GPC6: variants seen among roughly 807,000 people sequenced by gnomAD.
GPC6 encodes the protein glypican-6.
Under a neutral mutation model 55.2 loss-of-function variants are expected in GPC6, and 14 were observed. The observed-to-expected ratio is 0.25, with a 90% CI of 0.17 to 0.40. The LOEUF is 0.40. GPC6 is among the 10% of genes least tolerant of loss of function. The pLI is 1.00. For missense variants in GPC6, 641 were observed against 708.5 expected (o/e 0.90, Z 1.08); for synonymous variants, 278 against 259.6 (o/e 1.07, Z -0.68).
intron 6 of GPC6, among the ~76,000 whole-genome samples, chr13:94,379,106 G>A (rs145172202): frequency 1.8e-3 from 268 of 152,184 alleles, no homozygotes; most frequent in African/African-American, 6.3e-3. Flanking sequence ...CTACAGCAGA[G>A]CAGTTACATA....
intron 4 of GPC6, among the ~76,000 whole-genome samples, chr13:94,032,408 A>G (rs1037026238): frequency 6.6e-6 from 1 of 152,218 alleles, no homozygotes; most frequent in Non-Finnish European, 1.5e-5. Context: ...ATAGCAAATA[A>G]GATTGTATTG....
intron 2 of GPC6, among the ~76,000 whole-genome samples, chr13:93,671,385 C>T (rs1881349504): frequency 6.6e-6 from 1 of 152,062 alleles, no homozygotes; most frequent in Admixed American, 6.6e-5. Flanking sequence ...AAACTGACCC[C>T]TGCCTTCTGG....
At chr13:94,001,508 A>G (rs998672303) in intron 3 of GPC6, among the ~76,000 whole-genome samples, 26 of 152,206 alleles carry the variant, frequency 1.7e-4, no homozygotes, top group Non-Finnish European at 2.8e-4. Flanking sequence ...TTATATGAAT[A>G]TAGGCCTTAT....
At chr13:94,045,302 G>A (rs1883690783) in intron 4 of GPC6, among the ~76,000 whole-genome samples, 1 of 151,782 alleles carries the variant, frequency 6.6e-6, no homozygotes, top group African/African-American at 2.4e-5. Context: ...TAAATATTTT[G>A]GGAGCTAGGA....
intron 3 of GPC6, among the ~76,000 whole-genome samples, chr13:93,898,051 A>C (rs1356142059): frequency 6.6e-6 from 1 of 152,132 alleles, no homozygotes; most frequent in Non-Finnish European, 1.5e-5. Context: ...TTGTTTATTA[A>C]TTTACTGTAA....
chr13:93,524,071 T>C (rs1427686465), intron 1 of GPC6, among the ~76,000 whole-genome samples: 5 of 151,988 alleles, frequency 3.3e-5, no homozygotes, highest in Admixed American at 6.6e-5. Flanking sequence ...ACAAATTGCA[T>C]GTAAATTTGG....
At chr13:93,895,232 GTGTATA>G (rs1237762637) in intron 3 of GPC6, among the ~76,000 whole-genome samples, 1 of 73,386 alleles carries the variant, frequency 1.4e-5, no homozygotes, top group Non-Finnish European at 2.7e-5. Flanking sequence ...ATGTGTGTGT[GTGTATA>G]TATATATATA....
chr13:94,056,516 C>A (rs1884138965), intron 4 of GPC6, among the ~76,000 whole-genome samples: 1 of 152,122 alleles, frequency 6.6e-6, no homozygotes, highest in East Asian at 1.9e-4. Context: ...CCTTGGAAAG[C>A]AATAGTTGGT....
In GPC6 at chr13:93,774,406, C is replaced by A. The variant is rs143653080; in HGVS notation, c.320-55748C>A. Among the ~76,000 whole-genome samples, 3 of 152,158 alleles carry A rather than the reference C, an allele frequency of 2.0e-5. No individual in the cohort carries two copies. In the South Asian group the frequency reaches 6.2e-4, roughly 32 times the overall value. The stretch of plus-strand genomic sequence containing the variant: ...CACTGGAATATTAGGGACCATATCA[C>A]AAAGTATCTTATATTTTTAACTTGA... On this transcript the variant is annotated intron_variant, in intron 2 of 8. Coordinates refer to ENST00000377047, the MANE Select transcript of GPC6 (RefSeq NM_005708.5).
At chr13:94,261,849 A>T (rs112119590) in intron 4 of GPC6, among the ~76,000 whole-genome samples, 232 of 152,332 alleles carry the variant, frequency 1.5e-3, no homozygotes, top group African/African-American at 5.3e-3. Context: ...ATGAATATGA[A>T]TTAAGAAATT....
intron 3 of GPC6, among the ~76,000 whole-genome samples, chr13:93,880,613 T>C (rs1398181441): frequency 6.6e-6 from 1 of 152,056 alleles, no homozygotes; most frequent in Middle Eastern, 3.2e-3. Flanking sequence ...TACCCAATGC[T>C]AGATGACGAG....
At chr13:93,388,055 G>C (rs1875473379) in intron 1 of GPC6, among the ~76,000 whole-genome samples, 1 of 152,086 alleles carries the variant, frequency 6.6e-6, no homozygotes, top group Admixed American at 6.6e-5. Flanking sequence ...CTGCAATCCT[G>C]TATCACAACA....
chr13:93,247,279 T>A (rs562099251), intron 1 of GPC6, among the ~76,000 whole-genome samples: 1 of 152,276 alleles, frequency 6.6e-6, no homozygotes, highest in East Asian at 1.9e-4. Context: ...CTGTTTTCTG[T>A]TGGCCTAACA....
At chr13:94,029,683 T>C (rs941694434) in intron 4 of GPC6, among the ~76,000 whole-genome samples, 1 of 152,210 alleles carries the variant, frequency 6.6e-6, no homozygotes, top group Non-Finnish European at 1.5e-5. Flanking sequence ...TTGAAGAAGA[T>C]GGGCATGTGG....
intron 1 of GPC6, among the ~76,000 whole-genome samples, chr13:93,350,600 C>A (rs902905500): frequency 2.6e-5 from 4 of 152,070 alleles, no homozygotes; most frequent in Non-Finnish European, 5.9e-5. Flanking sequence ...GTGATCTGGA[C>A]CTTAAGGGCC....
intron 1 of GPC6, among the ~76,000 whole-genome samples, chr13:93,497,643 T>C (rs994819191): frequency 6.6e-6 from 1 of 152,232 alleles, no homozygotes; most frequent in African/African-American, 2.4e-5. Flanking sequence ...TTGATATAGT[T>C]TGAAGCTGAA....
At chr13:93,511,155 C>T (rs775949610) in intron 1 of GPC6, among the ~76,000 whole-genome samples, 8 of 149,306 alleles carry the variant, frequency 5.4e-5, no homozygotes, top group African/African-American at 1.2e-4. Flanking sequence ...TCTCTTTACT[C>T]TGTTTATTAT....
rs375378715 is a variant in GPC6 at position 94,224,066 on chromosome 13, G to A, written c.878-62283G>A. Among the ~76,000 whole-genome samples, 62 of 152,088 alleles carry A rather than the reference G, an allele frequency of 4.1e-4. No homozygotes were observed. In the South Asian group the frequency reaches 9.8e-3, roughly 24 times the overall value. On this transcript the variant is annotated intron_variant, in intron 4 of 8. Transcript: ENST00000377047. Reference sequence around the variant, plus strand: ...GTAATGGCACTGTTTAAAATGGTCCGTAAGTGTAGGGCTGAAGTGCTGTCT... The same window carrying A: ...GTAATGGCACTGTTTAAAATGGTCCATAAGTGTAGGGCTGAAGTGCTGTCT...
At chr13:93,418,624 A>C (rs1876797843) in intron 1 of GPC6, among the ~76,000 whole-genome samples, 1 of 151,378 alleles carries the variant, frequency 6.6e-6, no homozygotes, top group South Asian at 2.1e-4. Context: ...TCATTTTATT[A>C]ATAGCGCTAT....
Sources: gnomAD v4.1 joint callset for allele counts (sites outside exome capture counted in the v4.1 genomes callset) on GRCh38, gnomAD v4.1.1 for gene constraint, MANE v1.5 for transcripts, NCBI Gene and HGNC (gene_info 2026-07-23, HGNC 2026-07-21) for gene names.